CNTNAP2: variants seen among roughly 807,000 people sequenced by gnomAD.
CNTNAP2 encodes contactin-associated protein-like 2.
A neutral mutation model predicts 155.2 loss-of-function variants in CNTNAP2; 98 were observed. The ratio of observed to expected loss-of-function variants is 0.63; its 90% CI spans 0.54 to 0.75. The LOEUF (loss-of-function observed/expected upper bound fraction) is 0.75, where lower values mean the gene tolerates loss of function less well. Ranked by LOEUF, CNTNAP2 falls within the 30% of genes least tolerant of loss-of-function variation. CNTNAP2 has a pLI of 0.00. For synonymous variants in CNTNAP2, 651 were observed against 631.2 expected (o/e 1.03, Z -0.47); for missense variants, 1,727 against 1,688.1 (o/e 1.02, Z -0.40).
chr7:148,066,996 G>T (rs1001466319), intron 15 of CNTNAP2, among the ~76,000 whole-genome samples: 7 of 151,586 alleles, frequency 4.6e-5, no homozygotes, highest in African/African-American at 1.7e-4. Flanking sequence ...AGATTTTTTT[G>T]TCCATATCCT....
intron 15 of CNTNAP2, among the ~76,000 whole-genome samples, chr7:148,035,553 T>G (rs1585089778): frequency 6.6e-6 from 1 of 152,292 alleles, no homozygotes; most frequent in African/African-American, 2.4e-5. Context: ...ATATGGTGCT[T>G]ATTTTGTAGG....
intron 1 of CNTNAP2, among the ~76,000 whole-genome samples, chr7:146,640,869 T>C: frequency 6.6e-6 from 1 of 152,122 alleles, no homozygotes; most frequent in Non-Finnish European, 1.5e-5. Context: ...ATCTCACTGT[T>C]AGAGGTAATG....
At chr7:147,235,850 A>G (rs531409394) in intron 8 of CNTNAP2, among the ~76,000 whole-genome samples, 2 of 151,676 alleles carry the variant, frequency 1.3e-5, no homozygotes, top group African/African-American at 4.8e-5. Context: ...TGCCCGAGGG[A>G]CTACATGCAC....
intron 1 of CNTNAP2, among the ~76,000 whole-genome samples, chr7:146,448,975 AC>A (rs1796440953): frequency 6.6e-6 from 1 of 152,064 alleles, no homozygotes; most frequent in Non-Finnish European, 1.5e-5. Flanking sequence ...ATCTGTTATT[AC>A]AGTGCCACAG....
At chr7:148,048,097 T>TA (rs1585096425) in intron 15 of CNTNAP2, among the ~76,000 whole-genome samples, 1 of 151,906 alleles carries the variant, frequency 6.6e-6, no homozygotes, top group East Asian at 1.9e-4. Context: ...CTAATTTTTT[T>TA]TTTTTTTTAG....
At chr7:146,820,502 C>G (rs968089507) in intron 2 of CNTNAP2, among the ~76,000 whole-genome samples, 1 of 152,102 alleles carries the variant, frequency 6.6e-6, no homozygotes, top group Non-Finnish European at 1.5e-5. Flanking sequence ...GTCCTGAGTT[C>G]TAGTTTGATT....
intron 1 of CNTNAP2, among the ~76,000 whole-genome samples, chr7:146,462,722 T>A (rs899011642): frequency 5.9e-5 from 9 of 152,164 alleles, no homozygotes; most frequent in Non-Finnish European, 1.3e-4. Context: ...TAAATACACA[T>A]GAGGCCCACG....
chr7:146,455,749 T>G lies in CNTNAP2; in HGVS notation c.98-318522T>G, dbSNP rs144990561. Among the ~76,000 whole-genome samples, 700 of 152,274 alleles carry G rather than the reference T, an allele frequency of 4.6e-3. 7 individuals are homozygous for G. Among genetic ancestry groups the G allele is most frequent in the African/African-American group, 0.016 (663 of 41,568 alleles). On this transcript the variant is annotated intron_variant, in intron 1 of 23. Transcript: ENST00000361727. ...CCTGGGCATAAAGAAAATACAATAA[T>G]TAGGTAGCTGCATATTTTAATAGCT...
chr7:146,427,608 A>C (rs1342480408), intron 1 of CNTNAP2, among the ~76,000 whole-genome samples: 2 of 152,296 alleles, frequency 1.3e-5, no homozygotes, highest in East Asian at 3.9e-4. Context: ...CTGGATAACA[A>C]GAAACTGCTA....
At chr7:147,275,301 GT>G (rs376030624) in intron 8 of CNTNAP2, among the ~76,000 whole-genome samples, 7 of 151,938 alleles carry the variant, frequency 4.6e-5, no homozygotes, top group East Asian at 1.9e-4. Flanking sequence ...AGCATGGGAT[GT>G]TTTTTTCTTT....
At chr7:147,459,416 A>C (rs1214743588) in intron 10 of CNTNAP2, among the ~76,000 whole-genome samples, 1 of 152,084 alleles carries the variant, frequency 6.6e-6, no homozygotes, top group African/African-American at 2.4e-5. Flanking sequence ...CTAATCCCCA[A>C]ACCTATGAAT....
chr7:148,148,792 C>CAAAG (rs1198730752), intron 17 of CNTNAP2, among the ~76,000 whole-genome samples: 1 of 152,200 alleles, frequency 6.6e-6, no homozygotes, highest in African/African-American at 2.4e-5. Flanking sequence ...AACTACAAAA[C>CAAAG]AAAGGTGTGG....
At chr7:146,230,918 G>C (rs1436127431) in intron 1 of CNTNAP2, among the ~76,000 whole-genome samples, 2 of 151,994 alleles carry the variant, frequency 1.3e-5, no homozygotes, top group South Asian at 4.1e-4. Flanking sequence ...GGGAGGCTGA[G>C]GCATGAGAAT....
At chr7:147,323,698 T>C (rs999773888) in intron 9 of CNTNAP2, among the ~76,000 whole-genome samples, 12 of 152,224 alleles carry the variant, frequency 7.9e-5, no homozygotes, top group African/African-American at 2.4e-4. Flanking sequence ...AAAATTCATT[T>C]AAAGGAGTTC....
At chr7:148,234,688 AGAT>A (rs1292061850) in intron 20 of CNTNAP2, among the ~76,000 whole-genome samples, 3 of 152,260 alleles carry the variant, frequency 2.0e-5, no homozygotes, top group African/African-American at 7.2e-5. Context: ...GATGATGGAC[AGAT>A]GAAGAGGCCA....
At chr7:146,594,879 C>A (rs865983203) in intron 1 of CNTNAP2, among the ~76,000 whole-genome samples, 3 of 152,136 alleles carry the variant, frequency 2.0e-5, no homozygotes, top group African/African-American at 4.8e-5. Context: ...TAAATACACC[C>A]ACCATGACAG....
intron 11 of CNTNAP2, among the ~76,000 whole-genome samples, chr7:147,501,745 T>C (rs1798817588): frequency 6.6e-6 from 1 of 152,236 alleles, no homozygotes; most frequent in Non-Finnish European, 1.5e-5. Flanking sequence ...ATACATTTTT[T>C]ACTTTTGGTA....
intron 4 of CNTNAP2, among the ~76,000 whole-genome samples, chr7:147,092,367 A>G (rs1039104895): frequency 3.9e-5 from 6 of 152,220 alleles, no homozygotes; most frequent in Middle Eastern, 3.2e-3. Flanking sequence ...AATATTTCCA[A>G]TATCTCAGGC....
chr7:147,991,727 T>C (rs1416540915), intron 15 of CNTNAP2, among the ~76,000 whole-genome samples: 1 of 152,192 alleles, frequency 6.6e-6, no homozygotes, highest in Non-Finnish European at 1.5e-5. Context: ...AAGTAGAGGC[T>C]TCCATACTTT....
Sources: gnomAD v4.1 joint callset for allele counts (sites outside exome capture counted in the v4.1 genomes callset) on GRCh38, gnomAD v4.1.1 for gene constraint, MANE v1.5 for transcripts, NCBI Gene and HGNC (gene_info 2026-07-23, HGNC 2026-07-21) for gene names.